Variants in FANCI observed in about 807,000 individuals in gnomAD.
FANCI encodes the protein FA complementation group I, also known as Fanconi anemia group I protein.
FANCI carries 156 observed loss-of-function variants against 176.1 expected under a neutral mutation model. That is an observed-to-expected ratio of 0.89 (90% CI 0.78 to 1.01). FANCI has a LOEUF of 1.01. Ranked by LOEUF, FANCI falls within the 50% of genes least tolerant of loss-of-function variation. FANCI has a pLI of 0.00. For missense variants in FANCI, 1,678 were observed against 1,534.1 expected, an observed-to-expected ratio of 1.09 and a Z score of -1.57; for synonymous variants, 613 against 541.7, an observed-to-expected ratio of 1.13 and a Z score of -1.83.
At chr15:89,314,839 C>G (rs2055149177) in intron 36 of FANCI, 132 bp downstream of exon 36, 3 of 413,266 alleles carry the variant, frequency 7.3e-6, no homozygotes, top group East Asian at 4.8e-5. Flanking sequence ...CCCCCTCTCC[C>G]CCCCCCCCCC....
chr15:89,258,707 A>T lies in FANCI; in HGVS notation c.88A>T (p.Thr30Ser), dbSNP rs1240293431. The T allele has an allele frequency of 1.9e-6, 3 of 1,612,844 alleles. No individual in the cohort carries two copies. Among genetic ancestry groups the T allele is most frequent in the Non-Finnish European group, 2.5e-6 (3 of 1,178,988 alleles). ...GTACCTTTTTCTTTCTTTGCAGTTG[A>T]CTAATCTCCTTCAGAATCAAGCAGT... ...FLQTLREGDL[T>S]NLLQNQAVKG... The change falls in exon 3 of 38, where the codon ACT becomes TCT. Residue 30 changes from threonine to serine, a missense_variant. Around this residue, in one of 3 missense-constraint regions of FANCI, gnomAD observed 469 missense variants for 436.9 expected, o/e 1.07. Transcript: ENST00000310775.
In FANCI at chr15:89,294,969, G is replaced by C. The variant is rs2151754914; in HGVS notation, c.2511G>C (p.Glu837Asp). The change falls in exon 24 of 38, where the codon GAG (glutamate) becomes GAC (aspartate). Residue 837 changes from glutamate to aspartate, a missense_variant. By Grantham distance (45) the Glu-to-Asp change is conservative (BLOSUM62 2). Coordinates refer to ENST00000310775, the MANE Select transcript of FANCI (RefSeq NM_001113378.2). ...TTTCTGTTCTCAGGTCCAGCAATGAGTTTATGCGCTATGCAGTGAATGTAG... is the reference window on the plus strand; with the variant it reads ...TTTCTGTTCTCAGGTCCAGCAATGACTTTATGCGCTATGCAGTGAATGTAG... ...ESLSVLRSSNEFMRYAVNVAL... is the reference protein window; with the variant it reads ...ESLSVLRSSNDFMRYAVNVAL... 6.4e-7 allele frequency: 1 copy of C among 1,552,316 alleles called. No individual in the cohort carries two copies. Among genetic ancestry groups the C allele is most frequent in the Non-Finnish European group, 8.7e-7 (1 of 1,147,134 alleles).
rs66900711 is a variant in FANCI at position 89,246,483 on chromosome 15, C to T, written c.-19-1146C>T. ...ATTCCTTAACCTGTTTACTTCCAGC[C>T]TATCTTTCCAGACTTCCTACTCACT... On this transcript the variant is annotated intron_variant, in intron 1 of 37. Transcript: ENST00000310775. Among the ~76,000 whole-genome samples, 1,165 of 152,272 alleles carry T rather than the reference C, an allele frequency of 7.7e-3. 4 individuals are homozygous for T. The highest frequency in any genetic ancestry group is 0.014 in the Non-Finnish European group (936 of 68,026).
rs1396019638 is a variant in FANCI, at chr15:89,291,710, C to A, written c.1988C>A (p.Pro663Gln). Reference sequence around the variant, plus strand: ...GGAGATAAGATCTCTCTACAAGAACCACTGGTGAGACTTTTATTCTTCCTT... The same window carrying A: ...GGAGATAAGATCTCTCTACAAGAACAACTGGTGAGACTTTTATTCTTCCTT... ...TQGDKISLQE[P>Q]LDYLLCCIQH... is the part of the protein sequence containing the mutation. Residue 663 changes from proline to glutamine, a missense_variant, in exon 20 of 38, where the codon CCA (proline) becomes CAA (glutamine). Transcript: ENST00000310775. The A allele has an allele frequency of 6.2e-7, 1 of 1,611,166 alleles. No individual in the cohort carries two copies. The highest frequency in any genetic ancestry group is 8.5e-7 in the Non-Finnish European group (1 of 1,177,470).
intron 34 of FANCI, chr15:89,308,156 T>G: frequency 9.5e-7 from 1 of 1,051,388 alleles, no homozygotes; most frequent in South Asian, 3.4e-5. Context: ...CTTTACTGTT[T>G]GCTTAAACCA....
intron 9 of FANCI, 122 bp downstream of exon 9, chr15:89,264,729 A>C: frequency 1.3e-6 from 1 of 776,284 alleles, no homozygotes; most frequent in Admixed American, 2.1e-5. Context: ...AAACTTTTCT[A>C]ATCTTCTCTT....
chr15:89,286,843 C>G (rs1050087177), intron 18 of FANCI, among the ~76,000 whole-genome samples: 1 of 152,180 alleles, frequency 6.6e-6, no homozygotes, highest in African/African-American at 2.4e-5. Context: ...ATAAAGTCTT[C>G]TTCCAATATA....
At chr15:89,293,706 C>T (rs981035507) in intron 22 of FANCI, 127 bp from the exon 23 acceptor site, 3 of 972,078 alleles carry the variant, frequency 3.1e-6, no homozygotes, top group Non-Finnish European at 4.8e-6. Flanking sequence ...TAATGAAGTT[C>T]TATTCATTTA....
At chr15:89,264,725 T>A (rs549901012) in intron 9 of FANCI, 118 bp downstream of exon 9, 1 of 795,436 alleles carries the variant, frequency 1.3e-6, no homozygotes, top group Non-Finnish European at 2.1e-6. Context: ...CACAAAACTT[T>A]TCTAATCTTC....
intron 18 of FANCI, among the ~76,000 whole-genome samples, chr15:89,285,917 A>G (rs1024213988): frequency 1.3e-5 from 2 of 152,034 alleles, no homozygotes; most frequent in African/African-American, 4.8e-5. Flanking sequence ...TCTTTTTACA[A>G]TTGTGTTACC....
chr15:89,246,668 A>G (rs1481338552), intron 1 of FANCI, among the ~76,000 whole-genome samples: 1 of 152,034 alleles, frequency 6.6e-6, no homozygotes, highest in African/African-American at 2.4e-5. Context: ...TTCCAGTTCA[A>G]GCTTTCCTCT....
In FANCI at chr15:89,289,407, C is replaced by T. The variant is rs531982561; in HGVS notation, c.1822-806C>T. Among the ~76,000 whole-genome samples, 7 of 152,090 alleles carry T rather than the reference C, an allele frequency of 4.6e-5. No individual in the cohort carries two copies. The South Asian group carries it at 6.2e-4, about 14-fold the overall frequency. Reference sequence around the variant, plus strand: ...ACAACCTCCCCATCCCCAGTTTAAGCGATTCTCCTGCCTCAGCCTCCCAAG... The same window carrying T: ...ACAACCTCCCCATCCCCAGTTTAAGTGATTCTCCTGCCTCAGCCTCCCAAG... On this transcript the variant is annotated intron_variant, in intron 18 of 37. Coordinates refer to ENST00000310775, the MANE Select transcript of FANCI (RefSeq NM_001113378.2).
At chr15:89,295,139 G>GACA (rs1309348363) in intron 24 of FANCI, 45 bp downstream of exon 24, 1 of 1,536,114 alleles carries the variant, frequency 6.5e-7, no homozygotes, top group Non-Finnish European at 8.8e-7. Flanking sequence ...CTTGGCTGTG[G>GACA]TGTCTCCAAG....
chr15:89,289,409 A>C (rs971351539), intron 18 of FANCI, among the ~76,000 whole-genome samples: 1 of 151,868 alleles, frequency 6.6e-6, no homozygotes, highest in African/African-American at 2.4e-5. Flanking sequence ...AGTTTAAGCG[A>C]TTCTCCTGCC....
At chr15:89,259,556 A>G (rs112330745) in intron 3 of FANCI, among the ~76,000 whole-genome samples, 2,293 of 152,306 alleles carry the variant, frequency 0.015, 62 homozygotes, top group African/African-American at 0.053. Flanking sequence ...GGCTTTTAGT[A>G]TATTCAGAGT....
At chr15:89,274,470 C>A (rs940999632) in intron 12 of FANCI, among the ~76,000 whole-genome samples, 166 bp downstream of exon 12, 3 of 152,138 alleles carry the variant, frequency 2.0e-5, no homozygotes, top group African/African-American at 7.2e-5. Flanking sequence ...TACTTTTTCC[C>A]TATGGAAATA....
chr15:89,250,972 A>T (rs1313020246), intron 2 of FANCI, among the ~76,000 whole-genome samples: 1 of 151,980 alleles, frequency 6.6e-6, no homozygotes, highest in Non-Finnish European at 1.5e-5. Flanking sequence ...ACTACTAAAG[A>T]TAAAAGTGGA....
intron 3 of FANCI, 62 bp from the exon 4 acceptor site, chr15:89,260,651 T>C: frequency 6.2e-7 from 1 of 1,603,302 alleles, no homozygotes; most frequent in Non-Finnish European, 8.5e-7. Flanking sequence ...CCTGTTCGTT[T>C]TTCCTATTTA....
At chr15:89,281,353 G>A (rs2053607307) in intron 15 of FANCI, 53 bp downstream of exon 15, 1 of 1,598,640 alleles carries the variant, frequency 6.3e-7, no homozygotes, top group Admixed American at 1.7e-5. Context: ...TAACTGTCTA[G>A]TGGAAGTCTG....
Sources: allele counts gnomAD v4.1 joint callset (sites outside exome capture counted in the v4.1 genomes callset), GRCh38; gene constraint gnomAD v4.1.1; regional missense constraint gnomAD v4.1.1; transcripts MANE v1.5; gene names NCBI Gene and HGNC (gene_info 2026-07-23, HGNC 2026-07-21).